Variants in MARCHF1 observed in about 807,000 individuals in gnomAD.
MARCHF1 encodes the protein membrane associated ring-CH-type finger 1.
In MARCHF1, 40 loss-of-function variants were observed where a neutral mutation model predicts 54.2. The ratio of observed to expected loss-of-function variants is 0.74; its 90% CI spans 0.57 to 0.96. MARCHF1 has a LOEUF of 0.96. Among genes scored for constraint, MARCHF1 ranks in the 40% least tolerant of loss-of-function variants. The pLI is 0.00. For synonymous variants in MARCHF1, 236 were observed against 236.3 expected (o/e 1.00, Z 0.01); for missense variants, 586 against 656.5 (o/e 0.89, Z 1.17).
At chr4:163,694,077 G>T (rs1244950803) in intron 5 of MARCHF1, among the ~76,000 whole-genome samples, 1 of 152,190 alleles carries the variant, frequency 6.6e-6, no homozygotes, top group Admixed American at 6.5e-5. Context: ...CTTTGCAGCT[G>T]CAAGTAGTGA....
chr4:163,746,786 T>C (rs1407269942), intron 4 of MARCHF1, among the ~76,000 whole-genome samples: 1 of 152,208 alleles, frequency 6.6e-6, no homozygotes, highest in Non-Finnish European at 1.5e-5. Flanking sequence ...GTGACTGACA[T>C]CTGTATCGTG....
At chr4:164,143,340 C>T (rs1397383467) in intron 1 of MARCHF1, among the ~76,000 whole-genome samples, 4 of 142,836 alleles carry the variant, frequency 2.8e-5, no homozygotes, top group Non-Finnish European at 6.1e-5. Context: ...AGATACTCCT[C>T]GAGAAGAGCA....
intron 4 of MARCHF1, among the ~76,000 whole-genome samples, chr4:163,811,875 G>A (rs546602972): frequency 1.3e-5 from 2 of 152,228 alleles, no homozygotes; most frequent in Admixed American, 1.3e-4. Context: ...TGTCTTGATA[G>A]CCAGTTAAAC....
intron 3 of MARCHF1, among the ~76,000 whole-genome samples, chr4:163,945,429 G>T (rs1314032540): frequency 1.3e-5 from 2 of 152,122 alleles, no homozygotes; most frequent in African/African-American, 2.4e-5. Context: ...GTGAGCAGCT[G>T]CAAGTAGAGT....
intron 1 of MARCHF1, among the ~76,000 whole-genome samples, chr4:164,217,903 CAA>C (rs1731977762): frequency 6.6e-6 from 1 of 151,636 alleles, no homozygotes; most frequent in African/African-American, 2.4e-5. Context: ...ATTATTATAA[CAA>C]AAAGAGAGAG....
chr4:164,191,228 A>G lies in MARCHF1; in HGVS notation c.-322-79566T>C, dbSNP rs561451082. On this transcript the variant is annotated intron_variant, in intron 1 of 9. Transcript: ENST00000514618. ...GCATGTTCTTTCTTAATCCTCATAT[A>G]GCTGAAGTTGAATCACCATTGCATA... 5.9e-5 allele frequency among the ~76,000 whole-genome samples: 9 copies of G among 152,378 alleles called. No homozygotes were observed. In the South Asian group the frequency reaches 8.3e-4, roughly 14 times the overall value.
At chr4:164,010,581 C>G (rs1753400130) in intron 2 of MARCHF1, among the ~76,000 whole-genome samples, 1 of 151,850 alleles carries the variant, frequency 6.6e-6, no homozygotes, top group Admixed American at 6.6e-5. Context: ...AAGACCTATA[C>G]AAGGTAAATT....
intron 1 of MARCHF1, among the ~76,000 whole-genome samples, chr4:164,371,745 G>A (rs981101821): frequency 3.3e-5 from 5 of 152,292 alleles, no homozygotes; most frequent in Admixed American, 2.0e-4. Context: ...GGACATGTAA[G>A]TTGCTAAAAC....
In MARCHF1 at chr4:164,029,072, C is replaced by T. The variant is rs75275519; in HGVS notation, c.-247-40363G>A. On this transcript the variant is annotated intron_variant, in intron 2 of 9. Transcript: ENST00000514618. ...AACCATTAATCTCCTGTGAGAAATG[C>T]GTAAGAAATATCACGCTTGCAAATT... Among the ~76,000 whole-genome samples, 722 of 152,170 alleles carry T rather than the reference C, an allele frequency of 4.7e-3. 5 individuals are homozygous for T. The highest frequency in any genetic ancestry group is 7.7e-3 in the Non-Finnish European group (521 of 67,998).
chr4:163,765,712 A>G (rs1307009541), intron 4 of MARCHF1, among the ~76,000 whole-genome samples: 1 of 151,734 alleles, frequency 6.6e-6, no homozygotes, highest in Non-Finnish European at 1.5e-5. Context: ...TACTACTTTC[A>G]TGGTGTCCAA....
intron 2 of MARCHF1, among the ~76,000 whole-genome samples, chr4:163,997,281 A>C (rs1206796767): frequency 6.6e-6 from 1 of 152,020 alleles, no homozygotes; most frequent in African/African-American, 2.4e-5. Context: ...AGGCTAAAAA[A>C]CAGTATGGGA....
intron 1 of MARCHF1, among the ~76,000 whole-genome samples, chr4:164,243,141 C>T (rs1257492632): frequency 8.7e-5 from 11 of 126,358 alleles, no homozygotes; most frequent in Non-Finnish European, 3.3e-5. Flanking sequence ...CACAAAGATA[C>T]TCCTCGAGAA....
At chr4:163,840,977 TA>T (rs11367550) in intron 4 of MARCHF1, among the ~76,000 whole-genome samples, 130,703 of 151,980 alleles carry the variant, frequency 0.86, 56,619 homozygotes, top group South Asian at 0.94. Context: ...AGCAATTTTT[TA>T]AAAAAAATCT....
At chr4:163,543,633 G>A (rs1304800976) in intron 9 of MARCHF1, among the ~76,000 whole-genome samples, 2 of 152,278 alleles carry the variant, frequency 1.3e-5, no homozygotes, top group East Asian at 3.9e-4. Context: ...GGAGCCATGA[G>A]TTTCTTGGTT....
intron 1 of MARCHF1, among the ~76,000 whole-genome samples, chr4:164,380,192 A>G (rs34616828): frequency 0.52 from 79,215 of 151,994 alleles, 21,618 homozygotes; most frequent in East Asian, 0.65. Context: ...TTCTAAAACC[A>G]CAATTACTTT....
intron 1 of MARCHF1, among the ~76,000 whole-genome samples, chr4:164,314,719 T>C (rs78581570): frequency 0.015 from 2,212 of 152,320 alleles, 69 homozygotes; most frequent in East Asian, 0.12. Flanking sequence ...TTTATTAATG[T>C]GGCTCTTGCC....
intron 4 of MARCHF1, among the ~76,000 whole-genome samples, chr4:163,788,360 A>G (rs76038416): frequency 0.019 from 2,865 of 152,100 alleles, 79 homozygotes; most frequent in African/African-American, 0.065. Flanking sequence ...ATAAATTAAC[A>G]TTGGTATCAT....
intron 1 of MARCHF1, among the ~76,000 whole-genome samples, chr4:164,359,538 T>C (rs1180532717): frequency 6.6e-6 from 1 of 152,148 alleles, no homozygotes; most frequent in Non-Finnish European, 1.5e-5. Flanking sequence ...AATTTCATCA[T>C]TTCATCATCC....
chr4:163,584,884 G>A (rs1206033944), intron 8 of MARCHF1: 1 of 152,164 alleles, frequency 6.6e-6, no homozygotes, highest in East Asian at 1.9e-4. Flanking sequence ...TTTAAACTGT[G>A]GTCTTCATAC....
Sources: gnomAD v4.1 joint callset for allele counts (sites outside exome capture counted in the v4.1 genomes callset) on GRCh38, gnomAD v4.1.1 for gene constraint, MANE v1.5 for transcripts, NCBI Gene and HGNC (gene_info 2026-07-23, HGNC 2026-07-21) for gene names.